Variants in LRMDA observed in about 807,000 individuals in gnomAD.
LRMDA encodes leucine rich melanocyte differentiation associated, also known as leucine-rich melanocyte differentiation-associated protein.
LRMDA carries 18 observed loss-of-function variants against 29.8 expected under a neutral mutation model. The ratio of observed to expected loss-of-function variants is 0.60; its 90% confidence interval spans 0.42 to 0.90. LRMDA has a LOEUF of 0.90. Ranked by LOEUF, LRMDA falls within the 40% of genes least tolerant of loss-of-function variation. LRMDA has a pLI of 0.00. For synonymous variants in LRMDA, 125 were observed against 109.4 expected (o/e 1.14, Z -0.89); for missense variants, 273 against 273.9 (o/e 1.00, Z 0.02).
chr10:75,591,652 G>A lies in LRMDA; in HGVS notation c.131+153158G>A, dbSNP rs138019460. Among the ~76,000 whole-genome samples the A allele has an allele frequency of 1.6e-3, 239 of 152,316 alleles. 1 individual carries two copies. Among genetic ancestry groups the A allele is most frequent in the Middle Eastern group, 6.8e-3 (2 of 294 alleles). ...TTGAAGTTTCCTCGCAGTTCTCCCC[G>A]TAATCGGGAATCCTCATTTGCACTC... is the stretch of plus-strand genomic sequence containing the variant. On this transcript the variant is annotated intron_variant, in intron 2 of 6. Transcript: ENST00000611255.
chr10:76,018,440 A>G (rs1847914282), intron 2 of LRMDA, among the ~76,000 whole-genome samples: 1 of 151,988 alleles, frequency 6.6e-6, no homozygotes, highest in African/African-American at 2.4e-5. Flanking sequence ...TCTCTGGGGG[A>G]TTTTGCAGTG....
chr10:76,210,578 A>G (rs1851617254), intron 5 of LRMDA, among the ~76,000 whole-genome samples: 1 of 152,174 alleles, frequency 6.6e-6, no homozygotes, highest in Non-Finnish European at 1.5e-5. Context: ...TGGGATATAT[A>G]TATTGAAATG....
intron 2 of LRMDA, among the ~76,000 whole-genome samples, chr10:75,790,893 G>T (rs544776089): frequency 6.6e-6 from 1 of 152,204 alleles, no homozygotes; most frequent in East Asian, 1.9e-4. Context: ...GGTGGCTTTC[G>T]TTGTAATGGT....
At chr10:76,286,519 A>G (rs920696435) in intron 5 of LRMDA, among the ~76,000 whole-genome samples, 3 of 152,158 alleles carry the variant, frequency 2.0e-5, no homozygotes, top group African/African-American at 7.2e-5. Context: ...GTGACCAGAG[A>G]GGGGATGGGG....
intron 1 of LRMDA, among the ~76,000 whole-genome samples, chr10:75,434,185 G>A (rs114108555): frequency 6.6e-6 from 1 of 152,166 alleles, no homozygotes; most frequent in Non-Finnish European, 1.5e-5. Flanking sequence ...GAAATCTTGC[G>A]CCCAAGAGAT....
At chr10:76,119,144 T>C (rs1477026074) in intron 5 of LRMDA, among the ~76,000 whole-genome samples, 6 of 152,152 alleles carry the variant, frequency 3.9e-5, no homozygotes, top group African/African-American at 1.4e-4. Context: ...TCTTAGCCTG[T>C]CCTGTGTTTG....
At chr10:75,743,850 A>T (rs1350179189) in intron 2 of LRMDA, 1 of 152,194 alleles carries the variant, frequency 6.6e-6, no homozygotes, top group Non-Finnish European at 1.5e-5. Flanking sequence ...GAGCACCAAC[A>T]CTATTGTCGT....
At chr10:75,502,321 C>T (rs1845121908) in intron 2 of LRMDA, among the ~76,000 whole-genome samples, 4 of 152,180 alleles carry the variant, frequency 2.6e-5, no homozygotes, top group African/African-American at 9.7e-5. Context: ...GACTGTTGTT[C>T]ATGATCTATT....
intron 2 of LRMDA, among the ~76,000 whole-genome samples, chr10:75,494,515 C>CTTTTT (rs34902194): frequency 0.022 from 2,229 of 102,542 alleles, 17 homozygotes; most frequent in African/African-American, 0.048. Flanking sequence ...ATGTTTGTTC[C>CTTTTT]TTTTTTTTTT....
chr10:76,267,339 A>T (rs1489038313), intron 5 of LRMDA, among the ~76,000 whole-genome samples: 1 of 152,176 alleles, frequency 6.6e-6, no homozygotes, highest in Non-Finnish European at 1.5e-5. Flanking sequence ...TATATAAAAA[A>T]TTTACCATTT....
At chr10:76,283,354 T>C (rs1589409864) in intron 5 of LRMDA, among the ~76,000 whole-genome samples, 1 of 152,146 alleles carries the variant, frequency 6.6e-6, no homozygotes, top group South Asian at 2.1e-4. Flanking sequence ...GGTGCACCTG[T>C]TGTTGGAGGT....
intron 2 of LRMDA, among the ~76,000 whole-genome samples, chr10:75,625,057 G>A (rs1260487704): frequency 1.3e-5 from 2 of 152,188 alleles, no homozygotes; most frequent in Admixed American, 1.3e-4. Context: ...TAGTCCTGTG[G>A]TAGAATCACA....
chr10:75,839,137 C>A (rs932157471), intron 2 of LRMDA, among the ~76,000 whole-genome samples: 1 of 152,024 alleles, frequency 6.6e-6, no homozygotes, highest in Non-Finnish European at 1.5e-5. Context: ...GCAGAAAGAG[C>A]GAAACAGGCC....
At chr10:75,446,391 G>A (rs1844397504) in intron 2 of LRMDA, among the ~76,000 whole-genome samples, 1 of 152,200 alleles carries the variant, frequency 6.6e-6, no homozygotes, top group South Asian at 2.1e-4. Flanking sequence ...TAAGAGCCTG[G>A]GCTTGACCCT....
intron 2 of LRMDA, among the ~76,000 whole-genome samples, chr10:75,463,755 C>T (rs1432374364): frequency 1.3e-5 from 2 of 152,076 alleles, no homozygotes; most frequent in East Asian, 3.9e-4. Flanking sequence ...GCAACCTTTG[C>T]CTCCCAGGTT....
intron 1 of LRMDA, among the ~76,000 whole-genome samples, chr10:75,435,737 G>A (rs1844256956): frequency 6.6e-6 from 1 of 152,138 alleles, no homozygotes. Flanking sequence ...TGGTGCTCCT[G>A]TTTCCTTTGA....
At chr10:76,290,101 TG>T (rs550817043) in intron 5 of LRMDA, among the ~76,000 whole-genome samples, 2 of 152,208 alleles carry the variant, frequency 1.3e-5, no homozygotes, top group Non-Finnish European at 2.9e-5. Flanking sequence ...CTGCCTACTT[TG>T]GCAGAATGAG....
At chr10:76,171,857 C>T (rs73285298) in intron 5 of LRMDA, among the ~76,000 whole-genome samples, 2,788 of 152,218 alleles carry the variant, frequency 0.018, 89 homozygotes, top group African/African-American at 0.061. Context: ...TGGTTAGTGT[C>T]GCTCTAACAG....
chr10:75,514,027 A>G (rs1845258427), intron 2 of LRMDA, among the ~76,000 whole-genome samples: 1 of 152,186 alleles, frequency 6.6e-6, no homozygotes, highest in Admixed American at 6.5e-5. Flanking sequence ...AACTTCTGGA[A>G]TCACCTTAAC....
Sources: allele counts gnomAD v4.1 joint callset (sites outside exome capture counted in the v4.1 genomes callset), GRCh38; gene constraint gnomAD v4.1.1; transcripts MANE v1.5; gene names NCBI Gene and HGNC (gene_info 2026-07-23, HGNC 2026-07-21).